ZNHIT1: variants seen among roughly 807,000 people sequenced by gnomAD.
The protein encoded by ZNHIT1 is zinc finger HIT-type containing 1, also known as zinc finger HIT domain-containing protein 1.
ZNHIT1 carries 20 observed loss-of-function variants against 21.4 expected under a neutral mutation model. The observed-to-expected ratio is 0.93, with a 90% CI of 0.66 to 1.36. The LOEUF is 1.36. ZNHIT1 is among the 40% of genes most tolerant of loss of function. The pLI, the probability that ZNHIT1 is intolerant of heterozygous loss-of-function variation, is 0.00. For synonymous variants in ZNHIT1, 79 were observed against 84.0 expected (o/e 0.94, Z 0.32); for missense variants, 170 against 213.5 (o/e 0.80, Z 1.27).
At position 101,223,997 on chromosome 7, in the gene ZNHIT1, G is replaced by C. The variant is rs762905700; in HGVS notation, c.*39G>C. 5 of 1,613,898 alleles carry C rather than the reference G, an allele frequency of 3.1e-6. 1 individual carries two copies. The highest frequency in any genetic ancestry group is 3.3e-4 in the Middle Eastern group (2 of 6,080). ...CAGAGAGGAAGGGCCGCTGTGCACT[G>C]CCCGGCCTTCAGAAAGACAGAATTT... is the stretch of plus-strand genomic sequence containing the variant. On this transcript the variant is annotated 3_prime_UTR_variant, in exon 5 of 5. Coordinates refer to ENST00000305105, the MANE Select transcript of ZNHIT1 (RefSeq NM_006349.3).
At chr7:101,219,052 A>G (rs1268058155) in intron 1 of ZNHIT1, 1 of 152,200 alleles carries the variant, frequency 6.6e-6, no homozygotes, top group Non-Finnish European at 1.5e-5. Flanking sequence ...TTTGAAAGGC[A>G]TTATACACAC....
intron 2 of ZNHIT1, 58 bp downstream of exon 2, chr7:101,222,832 G>A (rs750632474): frequency 8.3e-6 from 13 of 1,567,750 alleles, no homozygotes; most frequent in Non-Finnish European, 1.1e-5. Context: ...GGGAGAGTCC[G>A]CCCAACTCAG....
intron 1 of ZNHIT1, 116 bp from the exon 2 acceptor site, chr7:101,222,488 A>C: frequency 8.1e-7 from 1 of 1,237,670 alleles, no homozygotes; most frequent in Non-Finnish European, 1.1e-6. Context: ...GGCAATGGGG[A>C]TGAGATCAGA....
chr7:101,222,765 G>A lies in ZNHIT1; in HGVS notation c.184G>A (p.Ala62Thr). The A allele has an allele frequency of 6.2e-7, 1 of 1,613,886 alleles. No individual in the cohort carries two copies. The highest frequency in any genetic ancestry group is 1.1e-5 in the South Asian group (1 of 91,076). Residue 62 changes from alanine (A) to threonine (T), a missense_variant, in exon 2 of 5, where the codon GCG becomes ACG. Ala to Thr is a moderately conservative substitution (Grantham distance 58). Transcript: ENST00000305105. The stretch of plus-strand genomic sequence containing the variant: ...GAGACTGCCTCAGTTTGATGACGAT[G>A]CGGACACTGGTGAGGCGGATGGAGG... ...GKRLPQFDDD[A>T]DTGKKKKKTR...
chr7:101,218,292 CT>C, intron 1 of ZNHIT1, 75 bp downstream of exon 1: 6 of 1,525,974 alleles, frequency 3.9e-6, no homozygotes, highest in East Asian at 4.5e-5. Context: ...AGTCATTCCT[CT>C]TTTTTGGTCT....
intron 2 of ZNHIT1, 79 bp downstream of exon 2, chr7:101,222,853 G>A (rs1459929553): frequency 6.5e-7 from 1 of 1,535,008 alleles, no homozygotes; most frequent in African/African-American, 1.4e-5. Context: ...GCTGTGGGAG[G>A]ACCCAGGAGC....
At position 101,222,606 on chromosome 7, in the gene ZNHIT1, C is replaced by T; in HGVS notation, c.25C>T (p.Arg9Cys). 3.1e-6 allele frequency: 5 copies of T among 1,612,284 alleles called. No homozygotes were observed. Among genetic ancestry groups the T allele is most frequent in the Non-Finnish European group, 4.2e-6 (5 of 1,179,138 alleles). Residue 9 changes from arginine to cysteine, a missense_variant and splice_region_variant, in exon 2 of 5, where the codon CGC (arginine) becomes TGC (cysteine). Arg to Cys is a radical substitution (Grantham distance 180). Transcript: ENST00000305105. ...TTTGCGTGCCCTGCTCCATCCAGTT[C>T]GCTCCCAGGACCCCGGGCAGCGGCG... MVEKKTSV[R>C]SQDPGQRRVL...
intron 3 of ZNHIT1, 50 bp from the exon 4 acceptor site, chr7:101,223,623 G>A (rs371940762): frequency 2.3e-5 from 37 of 1,613,202 alleles, no homozygotes; most frequent in Admixed American, 1.7e-4. Context: ...GCAGGTGTTC[G>A]CTGCGTGGGT....
chr7:101,221,403 T>C (rs1316566698), intron 1 of ZNHIT1: 1 of 151,988 alleles, frequency 6.6e-6, no homozygotes, highest in East Asian at 1.9e-4. Context: ...TTTTAATTTT[T>C]TGTAGAGATG....
chr7:101,222,413 G>C (rs546855494), intron 1 of ZNHIT1, 191 bp from the exon 2 acceptor site: 2 of 571,168 alleles, frequency 3.5e-6, no homozygotes, highest in African/African-American at 4.2e-5. Context: ...AAGGGTCTCA[G>C]CTGGCGGGAC....
rs1163819720 is a variant in ZNHIT1 at position 101,224,132 on chromosome 7, T to C, written c.*174T>C. Reference sequence around the variant, plus strand: ...AAAGACCAGCCTCACTCCTGGGAACTGTCTGGCAGGTAGGCTGGGCCCCCC... The same window carrying C: ...AAAGACCAGCCTCACTCCTGGGAACCGTCTGGCAGGTAGGCTGGGCCCCCC... On this transcript the variant is annotated 3_prime_UTR_variant, in exon 5 of 5. Transcript: ENST00000305105. The C allele has an allele frequency of 5.1e-6, 5 of 988,320 alleles. No individual in the cohort carries two copies. In the African/African-American group the frequency reaches 6.5e-5, roughly 13 times the overall value. The allele number at this position is 988,320 out of a possible 1,614,324, so 61.2% of individuals were successfully genotyped here.
At chr7:101,218,537 A>C in intron 1 of ZNHIT1, 1 of 372,266 alleles carries the variant, frequency 2.7e-6, no homozygotes, top group Non-Finnish European at 4.9e-6. Context: ...GGGCCTTCCA[A>C]AGTGCTGGGA....
chr7:101,223,563 G>A lies in ZNHIT1; in HGVS notation c.273+7G>A. ...GGCCCTGTTGGAGGAGCAGGTGAGA[G>A]GAGGGTCGGCCTGGGAGGACCCCAC... is the stretch of plus-strand genomic sequence containing the variant. On this transcript the variant is annotated splice_region_variant and intron_variant, in intron 3 of 4. Transcript: ENST00000305105. 1 of 1,614,164 alleles carries A rather than the reference G, an allele frequency of 6.2e-7. No individual in the cohort carries two copies. The highest frequency in any genetic ancestry group is 1.1e-5 in the South Asian group (1 of 91,082).
At chr7:101,222,914 C>G (rs1046035454) in intron 2 of ZNHIT1, 140 bp downstream of exon 2, 3 of 1,090,856 alleles carry the variant, frequency 2.8e-6, no homozygotes, top group Non-Finnish European at 3.9e-6. Context: ...GCAACCACAC[C>G]CCCTTTCTGT....
rs768588097 is a variant in ZNHIT1, at chr7:101,223,848, C to T, written c.443+6C>T. On this transcript the variant is annotated splice_donor_region_variant and intron_variant, in intron 4 of 4. Coordinates refer to ENST00000305105, the MANE Select transcript of ZNHIT1 (RefSeq NM_006349.3). ...GGGACCCACCAGGAGACCAGGTGAG[C>T]ATGAGACCTGCTGTCCACTCCCACT... The T allele has an allele frequency of 6.2e-7, 1 of 1,613,904 alleles. No homozygotes were observed.
chr7:101,221,563 G>T (rs75949481), intron 1 of ZNHIT1: 4,597 of 152,356 alleles, frequency 0.03, 95 homozygotes, highest in Middle Eastern at 0.057. Flanking sequence ...CCGGGAGCAG[G>T]TTCTGTGTTG....
chr7:101,223,719 G>A lies in ZNHIT1; in HGVS notation c.320G>A (p.Gly107Glu). The A allele has an allele frequency of 6.2e-7, 1 of 1,612,958 alleles. No homozygotes were observed. The highest frequency in any genetic ancestry group is 8.5e-7 in the Non-Finnish European group (1 of 1,179,498). Residue 107 changes from glycine to glutamate, a missense_variant, in exon 4 of 5, where the codon GGA becomes GAA. Physicochemically the swap from Gly to Glu is moderately conservative, Grantham distance 98 (BLOSUM62 -2). Transcript: ENST00000305105. ...CCTAACTACCTGACGGCCTGTGCGGGACCCCCATCGCGGCCCCAGCGCCCC... is the reference window on the plus strand; with the variant it reads ...CCTAACTACCTGACGGCCTGTGCGGAACCCCCATCGCGGCCCCAGCGCCCC... ...EGPNYLTACA[G>E]PPSRPQRPFC...
At chr7:101,222,472 G>A (rs1798384408) in intron 1 of ZNHIT1, 132 bp from the exon 2 acceptor site, 2 of 1,105,054 alleles carry the variant, frequency 1.8e-6, no homozygotes, top group Non-Finnish European at 2.6e-6. Context: ...AGGGGACCAA[G>A]GGCTTGGCAA....
chr7:101,222,442 G>GT, intron 1 of ZNHIT1, 162 bp from the exon 2 acceptor site: 2 of 780,398 alleles, frequency 2.6e-6, no homozygotes, highest in Non-Finnish European at 2.0e-6. Context: ...TGGGCCCAGG[G>GT]CTTGGCCCGG....
Sources: gnomAD v4.1 joint callset for allele counts on GRCh38, gnomAD v4.1.1 for gene constraint, MANE v1.5 for transcripts, NCBI Gene and HGNC (gene_info 2026-07-23, HGNC 2026-07-21) for gene names.